The following TTC27 variants were observed in gnomAD, a reference collection of about 807,000 sequenced individuals.
TTC27 encodes the protein tetratricopeptide repeat protein 27.
In TTC27, 79 loss-of-function variants were observed where a neutral mutation model predicts 115.9. The observed-to-expected ratio is 0.68, with a 90% confidence interval of 0.57 to 0.82. The LOEUF (loss-of-function observed/expected upper bound fraction) is 0.82. Among genes scored for constraint, TTC27 ranks in the 40% least tolerant of loss-of-function variants. The pLI is 0.00. For synonymous variants in TTC27, 401 were observed against 356.0 expected, an observed-to-expected ratio of 1.13 and a Z score of -1.42; for missense variants, 1,054 against 993.1, an observed-to-expected ratio of 1.06 and a Z score of -0.82.
At chr2:32,714,797 T>C (rs1458686384) in intron 10 of TTC27, among the ~76,000 whole-genome samples, 1 of 152,192 alleles carries the variant, frequency 6.6e-6, no homozygotes, top group Non-Finnish European at 1.5e-5. Context: ...TGTGAGATGG[T>C]ATCTCATTGT....
chr2:32,727,755 T>C (rs1277376958), intron 10 of TTC27, among the ~76,000 whole-genome samples: 2 of 152,186 alleles, frequency 1.3e-5, no homozygotes, highest in East Asian at 3.9e-4. Flanking sequence ...TGTTTTGTTT[T>C]GGAAAAGGTA....
intron 8 of TTC27, among the ~76,000 whole-genome samples, chr2:32,677,902 A>G (rs1559201604): frequency 6.6e-6 from 1 of 152,208 alleles, no homozygotes; most frequent in African/African-American, 2.4e-5. Context: ...ACTTGGTGTC[A>G]TAATAATTCT....
intron 10 of TTC27, among the ~76,000 whole-genome samples, chr2:32,714,196 T>G (rs1300405975): frequency 6.8e-6 from 1 of 146,800 alleles, no homozygotes; most frequent in African/African-American, 2.5e-5. Flanking sequence ...TCTCGCTCTG[T>G]CGCCCAGGCT....
intron 16 of TTC27, among the ~76,000 whole-genome samples, chr2:32,789,044 G>A (rs1380863840): frequency 6.6e-6 from 1 of 152,184 alleles, no homozygotes; most frequent in Admixed American, 6.5e-5. Flanking sequence ...CATAAGCTAT[G>A]TCTAACTCTG....
At chr2:32,643,917 C>T (rs571537359) in intron 4 of TTC27, among the ~76,000 whole-genome samples, 28 of 151,734 alleles carry the variant, frequency 1.8e-4, no homozygotes, top group African/African-American at 6.3e-4. Context: ...TGGTGGTTCA[C>T]GCCTGTAATC....
chr2:32,796,072 G>A (rs564455494), intron 16 of TTC27, among the ~76,000 whole-genome samples: 4 of 152,178 alleles, frequency 2.6e-5, no homozygotes, highest in Admixed American at 1.3e-4. Flanking sequence ...AAGAGTCCAC[G>A]AAAAAGCTGT....
chr2:32,714,506 G>C (rs548959287), intron 10 of TTC27, among the ~76,000 whole-genome samples: 1 of 152,238 alleles, frequency 6.6e-6, no homozygotes, highest in East Asian at 1.9e-4. Context: ...GGGAATTTAG[G>C]TTGAGTCCAT....
intron 10 of TTC27, among the ~76,000 whole-genome samples, chr2:32,719,896 TG>T (rs1667866671): frequency 6.6e-6 from 1 of 152,158 alleles, no homozygotes; most frequent in African/African-American, 2.4e-5. Context: ...AGCCAAATAT[TG>T]ATCATGAGGG....
intron 9 of TTC27, among the ~76,000 whole-genome samples, chr2:32,700,350 C>A (rs1006166991): frequency 1.3e-5 from 2 of 152,120 alleles, no homozygotes; most frequent in Non-Finnish European, 2.9e-5. Context: ...CTCAATCTTT[C>A]ACTCTGCAGA....
At position 32,782,638 on chromosome 2, in the gene TTC27, T is replaced by C; in HGVS notation, c.1792T>C (p.Trp598Arg). Residue 598 changes from tryptophan to arginine, a missense_variant, in exon 15 of 20, where the codon TGG (tryptophan) becomes CGG (arginine). Coordinates refer to ENST00000317907, the MANE Select transcript of TTC27 (RefSeq NM_017735.5). ...TCTATCATTTCAGAATGCTGAAGCTTGGAACAATTTGTCAACTTCCTATAT... is the reference window on the plus strand; with the variant it reads ...TCTATCATTTCAGAATGCTGAAGCTCGGAACAATTTGTCAACTTCCTATAT... ...VTLEPDNAEA[W>R]NNLSTSYIRL... is the part of the protein sequence containing the mutation. 1.2e-6 allele frequency: 2 copies of C among 1,612,004 alleles called. No homozygotes were observed. The highest frequency in any genetic ancestry group is 1.7e-6 in the Non-Finnish European group (2 of 1,178,716).
chr2:32,775,363 A>G (rs1669960667), intron 13 of TTC27, among the ~76,000 whole-genome samples: 1 of 151,874 alleles, frequency 6.6e-6, no homozygotes, highest in African/African-American at 2.4e-5. Context: ...ACGCCCGGCT[A>G]ATTTTTTTGT....
chr2:32,689,497 A>G (rs1014176600), intron 9 of TTC27, among the ~76,000 whole-genome samples: 3 of 152,140 alleles, frequency 2.0e-5, no homozygotes, highest in Non-Finnish European at 2.9e-5. Flanking sequence ...CAAATTCCCA[A>G]TAGGAAATTG....
At chr2:32,731,224 G>A (rs1251221454) in intron 10 of TTC27, among the ~76,000 whole-genome samples, 3 of 151,874 alleles carry the variant, frequency 2.0e-5, no homozygotes, top group Admixed American at 6.6e-5. Context: ...CCTCAGCTGG[G>A]ATTACAGGCA....
At chr2:32,662,921 T>G (rs1379641373) in intron 5 of TTC27, among the ~76,000 whole-genome samples, 15 of 152,194 alleles carry the variant, frequency 9.9e-5, no homozygotes, top group Non-Finnish European at 2.2e-4. Context: ...TTTAGTGTTA[T>G]AAATTTCTCT....
chr2:32,657,353 CTTTTT>C (rs988569906), intron 5 of TTC27, among the ~76,000 whole-genome samples: 1 of 128,324 alleles, frequency 7.8e-6, no homozygotes. Flanking sequence ...CACTGTCTTT[CTTTTT>C]TTTTTTTTTT....
intron 12 of TTC27, among the ~76,000 whole-genome samples, chr2:32,738,901 A>C (rs1668534960): frequency 6.6e-6 from 1 of 152,234 alleles, no homozygotes; most frequent in South Asian, 2.1e-4. Flanking sequence ...TGTCATTTAA[A>C]ATGTCAAGCA....
intron 10 of TTC27, among the ~76,000 whole-genome samples, chr2:32,712,645 C>T (rs1667619735): frequency 6.6e-6 from 1 of 151,940 alleles, no homozygotes; most frequent in Non-Finnish European, 1.5e-5. Context: ...GCGATCTCCA[C>T]CTCCTGGGCT....
intron 5 of TTC27, among the ~76,000 whole-genome samples, chr2:32,659,202 G>A (rs1323733647): frequency 2.6e-5 from 4 of 152,110 alleles, no homozygotes; most frequent in African/African-American, 7.2e-5. Flanking sequence ...CTGGCTTCAA[G>A]CAATCTTTCC....
chr2:32,792,314 A>G (rs1017200613), intron 16 of TTC27, among the ~76,000 whole-genome samples: 2 of 152,176 alleles, frequency 1.3e-5, no homozygotes, highest in African/African-American at 4.8e-5. Flanking sequence ...TGTTATAAAA[A>G]TTATAGCTTT....
Sources: allele counts gnomAD v4.1 joint callset (sites outside exome capture counted in the v4.1 genomes callset), GRCh38; gene constraint gnomAD v4.1.1; transcripts MANE v1.5; gene names NCBI Gene and HGNC (gene_info 2026-07-23, HGNC 2026-07-21).